Variants in CCR5AS observed in about 807,000 individuals in gnomAD.
The protein encoded by CCR5AS is CCR5 antisense RNA.
At chr3:46,372,902 G>A in intron 2 of CCR5AS, 1 of 1,575,902 alleles carries the variant, frequency 6.3e-7, no homozygotes, top group African/African-American at 1.3e-5. Context: ...GGTGGAACAA[G>A]ATGGATTATC....
At chr3:46,405,484 T>C (rs1216196615) in intron 1 of CCR5AS, among the ~76,000 whole-genome samples, 1 of 152,176 alleles carries the variant, frequency 6.6e-6, no homozygotes, top group Non-Finnish European at 1.5e-5. Context: ...AACTGATCCA[T>C]GAGTATCGAG....
intron 2 of CCR5AS, among the ~76,000 whole-genome samples, chr3:46,381,520 T>C (rs1486417510): frequency 6.6e-6 from 1 of 152,310 alleles, no homozygotes; most frequent in East Asian, 1.9e-4. Flanking sequence ...ACTTAATCTT[T>C]TTGGTTTTGA....
intron 1 of CCR5AS, among the ~76,000 whole-genome samples, chr3:46,402,516 A>T (rs1221158250): frequency 6.6e-6 from 1 of 152,194 alleles, no homozygotes; most frequent in Non-Finnish European, 1.5e-5. Flanking sequence ...ATTATGTGAG[A>T]TTATCACTAT....
At chr3:46,393,612 T>A (rs181809729) in intron 1 of CCR5AS, among the ~76,000 whole-genome samples, 1 of 152,304 alleles carries the variant, frequency 6.6e-6, no homozygotes, top group East Asian at 1.9e-4. Context: ...CAGATATTTA[T>A]TGAGAAGCAA....
intron 2 of CCR5AS, chr3:46,373,010 C>T (rs1701686144): frequency 1.2e-6 from 2 of 1,614,148 alleles, no homozygotes; most frequent in Non-Finnish European, 1.7e-6. Context: ...TGCCTCCGCT[C>T]TACTCACTGG....
intron 2 of CCR5AS, among the ~76,000 whole-genome samples, chr3:46,379,107 G>C (rs1701789837): frequency 6.7e-6 from 1 of 148,890 alleles, no homozygotes; most frequent in Non-Finnish European, 1.5e-5. Context: ...TGCCATGCTG[G>C]TGCGCTGCAC....
At chr3:46,379,001 C>CTT (rs775443220) in intron 2 of CCR5AS, among the ~76,000 whole-genome samples, 1 of 125,508 alleles carries the variant, frequency 8.0e-6, no homozygotes, top group African/African-American at 2.8e-5. Flanking sequence ...TGGTAAATTT[C>CTT]TTTTTTTTTT....
chr3:46,399,631 T>A (rs1701989833), intron 1 of CCR5AS, among the ~76,000 whole-genome samples: 1 of 152,136 alleles, frequency 6.6e-6, no homozygotes, highest in African/African-American at 2.4e-5. Context: ...TTAAACGGAA[T>A]GAGATCCAGA....
rs183060425 is a variant in CCR5AS, at chr3:46,395,428, C to G, written n.164-2376G>C. Among the ~76,000 whole-genome samples the G allele has an allele frequency of 4.3e-4, 65 of 152,102 alleles. No homozygotes were observed. The East Asian group carries it at 0.012, about 28-fold the overall frequency. On this transcript the variant is annotated intron_variant and non_coding_transcript_variant, in intron 1 of 3. Coordinates refer to ENST00000451485, the Ensembl canonical transcript of CCR5AS. Reference sequence around the variant, plus strand: ...AGGAATGCAGGCAGCAAAGGGAGCCCTAAAGAACAGTGAGGAGATGTGCCA... The same window carrying G: ...AGGAATGCAGGCAGCAAAGGGAGCCGTAAAGAACAGTGAGGAGATGTGCCA...
intron 3 of CCR5AS, among the ~76,000 whole-genome samples, chr3:46,365,833 C>A (rs1358454423): frequency 6.6e-6 from 1 of 152,180 alleles, no homozygotes; most frequent in Non-Finnish European, 1.5e-5. Flanking sequence ...CCTGTGGTAG[C>A]CACTTGACCC....
intron 2 of CCR5AS, among the ~76,000 whole-genome samples, chr3:46,383,722 A>G (rs1461224454): frequency 6.6e-6 from 1 of 152,286 alleles, no homozygotes; most frequent in African/African-American, 2.4e-5. Context: ...TCCTTCAAGC[A>G]GAAACAGAAA....
intron 2 of CCR5AS, among the ~76,000 whole-genome samples, chr3:46,391,356 A>G (rs981771202): frequency 6.6e-6 from 1 of 152,144 alleles, no homozygotes; most frequent in African/African-American, 2.4e-5. Context: ...CCTCTTTTCT[A>G]TTATTGTACA....
chr3:46,371,361 G>A (rs1430329766), exon 3 of CCR5AS: 1 of 152,188 alleles, frequency 6.6e-6, no homozygotes, highest in Non-Finnish European at 1.5e-5. Context: ...GTGCCCACAA[G>A]AAGTTGTGTC....
intron 2 of CCR5AS, among the ~76,000 whole-genome samples, chr3:46,389,572 T>C (rs1701893045): frequency 6.6e-6 from 1 of 152,180 alleles, no homozygotes; most frequent in African/African-American, 2.4e-5. Context: ...GTGTGAGGAC[T>C]CTAGCAGCAC....
At chr3:46,398,136 A>G (rs2106777569) in intron 1 of CCR5AS, among the ~76,000 whole-genome samples, 1 of 152,324 alleles carries the variant, frequency 6.6e-6, no homozygotes. Context: ...TATGGGAAAA[A>G]TCTCTGAGAC....
intron 2 of CCR5AS, among the ~76,000 whole-genome samples, chr3:46,380,995 C>T (rs1213940208): frequency 2.6e-5 from 4 of 151,926 alleles, no homozygotes; most frequent in Non-Finnish European, 5.9e-5. Flanking sequence ...ACAGAACATT[C>T]CCCAAGCTGG....
intron 2 of CCR5AS, among the ~76,000 whole-genome samples, chr3:46,380,522 C>T (rs1272092410): frequency 1.3e-5 from 2 of 152,182 alleles, no homozygotes; most frequent in African/African-American, 2.4e-5. Flanking sequence ...ACCAGTGAGC[C>T]CAACCCCTTT....
intron 2 of CCR5AS, among the ~76,000 whole-genome samples, chr3:46,381,065 C>T (rs946011555): frequency 6.6e-6 from 1 of 152,160 alleles, no homozygotes. Flanking sequence ...GTATTTGAGG[C>T]TCCAAGTATT....
At chr3:46,403,578 T>A (rs2106782318) in intron 1 of CCR5AS, among the ~76,000 whole-genome samples, 1 of 152,306 alleles carries the variant, frequency 6.6e-6, no homozygotes, top group East Asian at 1.9e-4. Context: ...ACTCAAAAAA[T>A]GCCCTCCCTC....
Sources: allele counts gnomAD v4.1 joint callset (sites outside exome capture counted in the v4.1 genomes callset), GRCh38; gene constraint gnomAD v4.1.1; transcripts MANE v1.5; gene names NCBI Gene and HGNC (gene_info 2026-07-23, HGNC 2026-07-21).